COL21A1: variants seen among roughly 807,000 people sequenced by gnomAD.
COL21A1 encodes collagen type XXI alpha 1 chain.
A neutral mutation model predicts 137.9 loss-of-function variants in COL21A1; 149 were observed. That is an observed-to-expected ratio of 1.08 (90% CI 0.95 to 1.24). The LOEUF is 1.24. COL21A1 is among the 50% of genes most tolerant of loss of function. The probability of loss-of-function intolerance (pLI) is 0.00; values close to 1 mark genes in which losing one functional copy is unlikely to be tolerated. For synonymous variants in COL21A1, 456 were observed against 391.5 expected, an observed-to-expected ratio of 1.16 and a Z score of -1.95; for missense variants, 1,167 against 1,158.4, an observed-to-expected ratio of 1.01 and a Z score of -0.11.
At chr6:56,310,811 A>G (rs940162519) in intron 1 of COL21A1, among the ~76,000 whole-genome samples, 1 of 90,004 alleles carries the variant, frequency 1.1e-5, no homozygotes, top group Non-Finnish European at 3.4e-5. Flanking sequence ...GAATATCCAT[A>G]ATATTGTTAT....
chr6:56,168,770 C>T (rs1343633734), intron 5 of COL21A1, among the ~76,000 whole-genome samples: 2 of 151,936 alleles, frequency 1.3e-5, no homozygotes, highest in Non-Finnish European at 2.9e-5. Context: ...CCTCAACCTA[C>T]CCTTTAATGA....
chr6:56,355,433 G>A (rs977126598), intron 1 of COL21A1, among the ~76,000 whole-genome samples: 2 of 149,888 alleles, frequency 1.3e-5, no homozygotes, highest in South Asian at 4.1e-4. Context: ...GAGACGGGGT[G>A]GGGGGTAAAC....
chr6:56,211,048 G>GTATTCAAC (rs1582651127), intron 1 of COL21A1, among the ~76,000 whole-genome samples: 1 of 151,020 alleles, frequency 6.6e-6, no homozygotes, highest in East Asian at 1.9e-4. Context: ...AAGTCCTTAA[G>GTATTCAAC]TATTCAACTG....
intron 13 of COL21A1, 33 bp from the exon 14 acceptor site, chr6:56,125,653 A>G: frequency 7.5e-7 from 1 of 1,328,276 alleles, no homozygotes; most frequent in Non-Finnish European, 1.0e-6. Context: ...TGAATATTTA[A>G]GAAATATGAA....
rs193166435 is a variant in COL21A1 at position 56,171,473 on chromosome 6, T to G, written c.641-345A>C. Among the ~76,000 whole-genome samples the G allele has an allele frequency of 1.0e-3, 155 of 151,986 alleles. 1 individual carries two copies. The highest frequency in any genetic ancestry group is 6.8e-3 in the Middle Eastern group (2 of 292). ...TAACACCTATGGAAAAGAAAAACAA[T>G]GGAACAGGATTTATCATTCTCATCC... On this transcript the variant is annotated intron_variant, in intron 3 of 29. Coordinates refer to ENST00000244728, the MANE Select transcript of COL21A1 (RefSeq NM_030820.4).
chr6:56,257,714 A>C (rs963143550), intron 1 of COL21A1, among the ~76,000 whole-genome samples: 2 of 152,202 alleles, frequency 1.3e-5, no homozygotes, highest in African/African-American at 4.8e-5. Flanking sequence ...TATTCCAATA[A>C]AACTTTATTA....
At chr6:56,309,616 G>T (rs1019880035) in intron 1 of COL21A1, among the ~76,000 whole-genome samples, 5 of 152,146 alleles carry the variant, frequency 3.3e-5, no homozygotes, top group Admixed American at 6.5e-5. Context: ...TATGAGCCAG[G>T]TAGCTCTCAT....
chr6:56,181,389 T>A (rs1777878324), intron 2 of COL21A1, among the ~76,000 whole-genome samples: 2 of 148,780 alleles, frequency 1.3e-5, no homozygotes, highest in African/African-American at 5.1e-5. Flanking sequence ...TTTATTGTTT[T>A]TTGTTTTTTG....
chr6:56,105,972 G>A (rs1344348067), intron 16 of COL21A1, among the ~76,000 whole-genome samples: 1 of 152,164 alleles, frequency 6.6e-6, no homozygotes, highest in Non-Finnish European at 1.5e-5. Context: ...CCAGTGTTGA[G>A]TAAACCAAAC....
intron 1 of COL21A1, among the ~76,000 whole-genome samples, chr6:56,339,164 A>G (rs554258921): frequency 2.6e-4 from 40 of 152,274 alleles, no homozygotes; most frequent in African/African-American, 9.1e-4. Flanking sequence ...GTGTGAATGG[A>G]ACCCAGACCT....
chr6:56,168,164 G>T lies in COL21A1; in HGVS notation c.1160C>A (p.Thr387Asn). Residue 387 changes from threonine to asparagine, a missense_variant, in exon 6 of 30, where the codon ACC (threonine) becomes AAC (asparagine). Coordinates refer to ENST00000244728, the MANE Select transcript of COL21A1 (RefSeq NM_030820.4). ...TTTTCCAGAATATTTTCCAATTTGG[G>T]TTTGCCCATTGATCAAGATCCCTAA... is the stretch of plus-strand genomic sequence containing the variant. ...PVLGILINGQTQIGKYSGKEE... is the reference protein window; with the variant it reads ...PVLGILINGQNQIGKYSGKEE... The T allele has an allele frequency of 6.5e-7, 1 of 1,539,214 alleles. No homozygotes were observed. Among genetic ancestry groups the T allele is most frequent in the Non-Finnish European group, 8.8e-7 (1 of 1,138,732 alleles).
At chr6:56,248,943 A>T (rs930784488), upstream of COL21A1, among the ~76,000 whole-genome samples, 2 of 152,230 alleles carry the variant, frequency 1.3e-5, no homozygotes, top group African/African-American at 4.8e-5. Context: ...CACACTATCT[A>T]GAAAGTAAAC....
chr6:56,177,564 C>T (rs906143369), intron 3 of COL21A1, among the ~76,000 whole-genome samples: 2 of 151,994 alleles, frequency 1.3e-5, no homozygotes, highest in Admixed American at 6.6e-5. Flanking sequence ...GAGGCTGAGG[C>T]GGGCGGATCA....
intron 17 of COL21A1, among the ~76,000 whole-genome samples, chr6:56,099,417 T>A (rs1000630571): frequency 6.6e-6 from 1 of 151,434 alleles, no homozygotes; most frequent in African/African-American, 2.4e-5. Context: ...TTTGTATTTT[T>A]AGTAGAGACG....
At chr6:56,174,436 A>C (rs568862798) in intron 3 of COL21A1, among the ~76,000 whole-genome samples, 1 of 152,138 alleles carries the variant, frequency 6.6e-6, no homozygotes, top group Admixed American at 6.5e-5. Flanking sequence ...TAAATTAAGT[A>C]AAAACAGAGA....
intron 17 of COL21A1, among the ~76,000 whole-genome samples, chr6:56,095,977 G>A (rs1769282121): frequency 6.6e-6 from 1 of 151,894 alleles, no homozygotes; most frequent in East Asian, 1.9e-4. Flanking sequence ...CTCCCGAGTA[G>A]GTGGGATTAC....
chr6:56,135,249 T>G (rs1014921712), intron 12 of COL21A1, among the ~76,000 whole-genome samples: 8 of 151,862 alleles, frequency 5.3e-5, no homozygotes, highest in Admixed American at 6.6e-5. Flanking sequence ...CAACAACTTA[T>G]GAAATGCATA....
In COL21A1 at chr6:56,261,314, A is replaced by G. The variant is rs1311440641; in HGVS notation, c.-38-78658T>C. On this transcript the variant is annotated intron_variant, in intron 1 of 28. Transcript: ENST00000370819. ...GAAGCTAACATTATAGTCAGATTAC[A>G]AGATTAATCATTGTATTAGTTAGGA... 2.6e-5 allele frequency among the ~76,000 whole-genome samples: 4 copies of G among 152,300 alleles called. No homozygotes were observed. The East Asian group carries it at 7.7e-4, about 29-fold the overall frequency.
rs573274233 is a variant in COL21A1 at position 56,174,675 on chromosome 6, C to T, written c.641-3547G>A. 9.9e-5 allele frequency among the ~76,000 whole-genome samples: 15 copies of T among 152,036 alleles called. 1 individual carries two copies. In the South Asian group the frequency reaches 3.1e-3, roughly 31 times the overall value. On this transcript the variant is annotated intron_variant, in intron 3 of 29. Coordinates refer to ENST00000244728, the MANE Select transcript of COL21A1 (RefSeq NM_030820.4). ...GGAAATTAAATCAGTAATCAAAACA[C>T]CCCAACAATAAAAGCCTAGTACCAG...
Sources: gnomAD v4.1 joint callset for allele counts (sites outside exome capture counted in the v4.1 genomes callset) on GRCh38, gnomAD v4.1.1 for gene constraint, MANE v1.5 for transcripts, NCBI Gene and HGNC (gene_info 2026-07-23, HGNC 2026-07-21) for gene names.